ATG4C: variants seen among roughly 807,000 people sequenced by gnomAD.
ATG4C encodes the protein autophagy related 4C cysteine peptidase, also known as cysteine protease ATG4C.
Under a neutral mutation model 57.6 loss-of-function variants are expected in ATG4C, and 56 were observed. That is an observed-to-expected ratio of 0.97 (90% confidence interval 0.78 to 1.21). The LOEUF is 1.21. Among genes scored for constraint, ATG4C ranks in the 50% most tolerant of loss-of-function variants. ATG4C has a pLI of 0.00. For missense variants in ATG4C, 595 were observed against 529.8 expected (o/e 1.12, Z -1.21); for synonymous variants, 157 against 174.1 (o/e 0.90, Z 0.78).
At chr1:62,854,017 A>G (rs1173988454) in intron 10 of ATG4C, among the ~76,000 whole-genome samples, 4 of 150,912 alleles carry the variant, frequency 2.7e-5, no homozygotes, top group African/African-American at 9.8e-5. Context: ...TTTACCTTCT[A>G]CCTATTCTGT....
intron 9 of ATG4C, among the ~76,000 whole-genome samples, chr1:62,840,286 G>T (rs1046231315): frequency 1.3e-5 from 2 of 152,080 alleles, no homozygotes; most frequent in Non-Finnish European, 2.9e-5. Context: ...CTCCTGAATA[G>T]CTGGGATTGT....
intron 10 of ATG4C, among the ~76,000 whole-genome samples, chr1:62,854,057 A>G (rs1412766031): frequency 6.6e-6 from 1 of 151,694 alleles, no homozygotes; most frequent in Non-Finnish European, 1.5e-5. Flanking sequence ...GGATGCTTAC[A>G]TTTTTAGTTG....
intron 10 of ATG4C, among the ~76,000 whole-genome samples, chr1:62,854,024 C>G (rs1307868102): frequency 1.3e-5 from 2 of 151,798 alleles, no homozygotes; most frequent in Non-Finnish European, 2.9e-5. Context: ...TCTACCTATT[C>G]TGTTGTTCTT....
At chr1:62,803,696 AT>A (rs1439354350) in intron 1 of ATG4C, 22 bp from the exon 2 acceptor site, 2 of 829,054 alleles carry the variant, frequency 2.4e-6, no homozygotes, top group African/African-American at 3.5e-5. Context: ...GTAATTACTG[AT>A]TTTTTTCCTT....
At chr1:62,825,830 A>G (rs1037219336) in intron 6 of ATG4C, among the ~76,000 whole-genome samples, 1 of 152,070 alleles carries the variant, frequency 6.6e-6, no homozygotes, top group Non-Finnish European at 1.5e-5. Context: ...AAACCCTTCA[A>G]ATCACCTGTG....
chr1:62,865,036 A>G lies in ATG4C; in HGVS notation c.*877A>G, dbSNP rs1053575180. ...GTGTTTAGAAGCTGAGGCCACCTGT[A>G]AGGCAAATCTGCCTTAAGTGTATTA... is the stretch of plus-strand genomic sequence containing the variant. On this transcript the variant is annotated 3_prime_UTR_variant, in exon 11 of 11. Transcript: ENST00000317868. 7.2e-5 allele frequency: 11 copies of G among 151,876 alleles called. No individual in the cohort carries two copies. Among genetic ancestry groups the G allele is most frequent in the African/African-American group, 2.4e-4 (10 of 41,420 alleles). 9.4% of individuals were successfully genotyped at this position (151,876 alleles called of 1,614,324 possible).
In ATG4C at chr1:62,864,276, A is replaced by T; in HGVS notation, c.*117A>T. The T allele has an allele frequency of 2.4e-6, 2 of 826,378 alleles. No individual in the cohort carries two copies. The highest frequency in any genetic ancestry group is 3.6e-6 in the Non-Finnish European group (2 of 549,594). The allele number at this position is 826,378 out of a possible 1,614,324, so 51.2% of individuals were successfully genotyped here. On this transcript the variant is annotated 3_prime_UTR_variant, in exon 11 of 11. Coordinates refer to ENST00000317868, the MANE Select transcript of ATG4C (RefSeq NM_032852.4). ...ATATCTTAATTTTATATGTTCTTTAAAAAAGAACATTTGAAAATATAACAG... is the reference window on the plus strand; with the variant it reads ...ATATCTTAATTTTATATGTTCTTTATAAAAGAACATTTGAAAATATAACAG...
rs367630030 is a variant in ATG4C, at chr1:62,864,205, GA to G, written c.*51del. The stretch of plus-strand genomic sequence containing the variant: ...GATAAGAAGAATTCCATTGAAAGGG[GA>G]AAAATGAAGAGAAACAAGTATATCT... On this transcript the variant is annotated 3_prime_UTR_variant, in exon 11 of 11. Coordinates refer to ENST00000317868, the MANE Select transcript of ATG4C (RefSeq NM_032852.4). 2,138 of 1,447,170 alleles carry G rather than the reference GA, an allele frequency of 1.5e-3. 27 individuals carry two copies. The African/African-American group carries it at 0.028, about 19-fold the overall frequency. The allele number at this position is 1,447,170 out of a possible 1,614,324, so 89.6% of individuals were successfully genotyped here.
chr1:62,833,757 C>T (rs567885472), intron 7 of ATG4C, among the ~76,000 whole-genome samples: 18 of 152,118 alleles, frequency 1.2e-4, no homozygotes, highest in East Asian at 7.7e-4. Flanking sequence ...TATTGCCTTA[C>T]GGTGGTAAAA....
chr1:62,800,004 T>C (rs1664604266), intron 1 of ATG4C, among the ~76,000 whole-genome samples: 1 of 152,174 alleles, frequency 6.6e-6, no homozygotes, highest in Non-Finnish European at 1.5e-5. Context: ...CTTGCTTTTG[T>C]ATTTACTTAG....
At chr1:62,813,809 A>G (rs1302700285) in intron 3 of ATG4C, among the ~76,000 whole-genome samples, 1 of 152,228 alleles carries the variant, frequency 6.6e-6, no homozygotes, top group Non-Finnish European at 1.5e-5. Flanking sequence ...ACTTCTCAAA[A>G]GAAGACATTT....
chr1:62,787,519 T>G (rs1360048871), intron 1 of ATG4C, among the ~76,000 whole-genome samples: 2 of 152,206 alleles, frequency 1.3e-5, no homozygotes, highest in African/African-American at 4.8e-5. Flanking sequence ...TTCTCTGAAA[T>G]GCTTCATTCA....
At chr1:62,850,904 A>G (rs1347956376) in intron 10 of ATG4C, among the ~76,000 whole-genome samples, 2 of 32,982 alleles carry the variant, frequency 6.1e-5, no homozygotes, top group African/African-American at 2.6e-4. Context: ...ATATATATAC[A>G]TACACATACA....
At chr1:62,853,557 C>T (rs1011551362) in intron 10 of ATG4C, among the ~76,000 whole-genome samples, 1 of 152,152 alleles carries the variant, frequency 6.6e-6, no homozygotes, top group Non-Finnish European at 1.5e-5. Context: ...AGCAATCCTC[C>T]CACCTCAGCC....
At chr1:62,810,776 T>G (rs1321163271) in intron 3 of ATG4C, among the ~76,000 whole-genome samples, 1 of 151,900 alleles carries the variant, frequency 6.6e-6, no homozygotes, top group African/African-American at 2.4e-5. Flanking sequence ...AAAGGTGCTT[T>G]GTGGGGATGA....
chr1:62,855,664 C>T (rs2100362927), intron 10 of ATG4C, among the ~76,000 whole-genome samples: 1 of 152,282 alleles, frequency 6.6e-6, no homozygotes, highest in South Asian at 2.1e-4. Context: ...TGAGTCTTCA[C>T]CTATGGTATA....
chr1:62,850,915 C>CAT (rs1296524684), intron 10 of ATG4C, among the ~76,000 whole-genome samples: 3 of 138,484 alleles, frequency 2.2e-5, no homozygotes, highest in African/African-American at 7.9e-5. Context: ...TACACATACA[C>CAT]ACACATTCTG....
intron 9 of ATG4C, 138 bp downstream of exon 9, chr1:62,834,990 A>G (rs1665954433): frequency 1.6e-6 from 1 of 645,032 alleles, no homozygotes; most frequent in Non-Finnish European, 2.6e-6. Context: ...CTATAGAACC[A>G]TAATTAACAC....
intron 10 of ATG4C, among the ~76,000 whole-genome samples, chr1:62,859,412 G>A (rs531339466): frequency 1.3e-5 from 2 of 152,110 alleles, no homozygotes; most frequent in South Asian, 4.2e-4. Flanking sequence ...ATAACACAAT[G>A]GTAAGTATTT....
Sources: gnomAD v4.1 joint callset for allele counts (sites outside exome capture counted in the v4.1 genomes callset) on GRCh38, gnomAD v4.1.1 for gene constraint, MANE v1.5 for transcripts, NCBI Gene and HGNC (gene_info 2026-07-23, HGNC 2026-07-21) for gene names.